E2F2: variants seen among roughly 807,000 people sequenced by gnomAD.
E2F2 encodes E2F transcription factor 2.
E2F2 carries 22 observed loss-of-function variants against 42.2 expected under a neutral mutation model. That is an observed-to-expected ratio of 0.52 (90% CI 0.37 to 0.74). E2F2 has a LOEUF of 0.74. Ranked by LOEUF, E2F2 falls within the 30% of genes least tolerant of loss-of-function variation. The pLI is 0.00. For missense variants in E2F2, 481 were observed against 557.8 expected (o/e 0.86, Z 1.39); for synonymous variants, 248 against 251.6 (o/e 0.99, Z 0.13).
intron 2 of E2F2, among the ~76,000 whole-genome samples, 200 bp from the exon 3 acceptor site, chr1:23,522,256 G>T (rs1453212395): frequency 2.0e-5 from 3 of 152,200 alleles, no homozygotes; most frequent in Admixed American, 6.5e-5. Context: ...CTTGCTTAAG[G>T]TCTCACGGCC....
At chr1:23,518,439 C>G (rs987056449) in intron 5 of E2F2, among the ~76,000 whole-genome samples, 1 of 151,870 alleles carries the variant, frequency 6.6e-6, no homozygotes, top group Non-Finnish European at 1.5e-5. Context: ...TCACTGCACT[C>G]CAGCCTGGGC....
chr1:23,515,510 C>T (rs1052250794), intron 6 of E2F2, among the ~76,000 whole-genome samples: 2 of 152,086 alleles, frequency 1.3e-5, no homozygotes, highest in Non-Finnish European at 2.9e-5. Context: ...AGGTAAGACA[C>T]ATCACCTCTA....
chr1:23,526,748 C>G (rs551229136), intron 1 of E2F2, among the ~76,000 whole-genome samples: 12 of 152,222 alleles, frequency 7.9e-5, no homozygotes, highest in African/African-American at 2.6e-4. Flanking sequence ...AAGCCATGTA[C>G]CAGGCTGCCT....
chr1:23,521,746 C>A, intron 3 of E2F2, 91 bp downstream of exon 3: 1 of 1,557,016 alleles, frequency 6.4e-7, no homozygotes, highest in South Asian at 1.2e-5. Flanking sequence ...CAGCCCCGCC[C>A]CTGCCACTCA....
chr1:23,526,957 A>G (rs1643261887), intron 1 of E2F2, among the ~76,000 whole-genome samples: 1 of 152,108 alleles, frequency 6.6e-6, no homozygotes, highest in Admixed American at 6.5e-5. Context: ...TGTCCCCCTA[A>G]GGATACCTCC....
Position 23,530,797 on chromosome 1 carries a change from G to A in E2F2, c.-4C>T, listed in dbSNP as rs1190542258. On this transcript the variant is annotated 5_prime_UTR_variant, in exon 1 of 7. Transcript: ENST00000361729. This position sits in a 1 kb window ranked among gnomAD's most constrained non-coding sequence, Gnocchi z 4.4. ...AGGCCCGGGGCCCTTGCAGCATAGC[G>A]AGTAAGGCGCCCCCTACCCAAAAGG... The A allele has an allele frequency of 4.0e-6, 6 of 1,511,044 alleles. No homozygotes were observed. The South Asian group carries it at 7.3e-5, about 18-fold the overall frequency. 93.6% of individuals were successfully genotyped at this position (1,511,044 alleles called of 1,614,324 possible). A position where few individuals can be genotyped will look rare whatever the true frequency, so the allele number is the denominator to read the frequency against.
Position 23,521,084 on chromosome 1 carries a change from C to A in E2F2, c.579-13G>T. The A allele has an allele frequency of 6.2e-7, 1 of 1,600,404 alleles. No individual in the cohort carries two copies. The highest frequency in any genetic ancestry group is 8.5e-7 in the Non-Finnish European group (1 of 1,174,034). ...CATTCCCCTGCCTCTGGGAACAGAG[C>A]AGCCCCCCAGTGTCAGTCTGTGGGT... On this transcript the variant is annotated splice_polypyrimidine_tract_variant and intron_variant, in intron 3 of 6. Transcript: ENST00000361729.
intron 5 of E2F2, among the ~76,000 whole-genome samples, chr1:23,518,006 C>T (rs991462757): frequency 6.6e-6 from 1 of 150,866 alleles, no homozygotes; most frequent in African/African-American, 2.4e-5. Context: ...CTCGTCTCTA[C>T]AAAAAAAACA....
At chr1:23,523,832 G>T (rs1643198103) in intron 2 of E2F2, among the ~76,000 whole-genome samples, 1 of 152,098 alleles carries the variant, frequency 6.6e-6, no homozygotes, top group East Asian at 1.9e-4. Flanking sequence ...CCACCACTTT[G>T]GGAGGCCGAG....
Position 23,506,646 on chromosome 1 carries a change from C to T in E2F2, c.*3234G>A, listed in dbSNP as rs1007268858. 3.3e-5 allele frequency: 5 copies of T among 152,244 alleles called. No homozygotes were observed. The highest frequency in any genetic ancestry group is 9.6e-5 in the African/African-American group (4 of 41,460). 9.4% of individuals were successfully genotyped at this position (152,244 alleles called of 1,614,324 possible). A position where few individuals can be genotyped will look rare whatever the true frequency, so the allele number is the denominator to read the frequency against. ...CCCAGGAGCCAGCAGGCTGGCCAGG[C>T]GTGTGGCCACCATGGTCACTGAGGA... On this transcript the variant is annotated 3_prime_UTR_variant, in exon 7 of 7. Transcript: ENST00000361729.
chr1:23,518,943 G>A, intron 5 of E2F2, 73 bp downstream of exon 5: 2 of 1,223,576 alleles, frequency 1.6e-6, no homozygotes, highest in Admixed American at 1.9e-5. Flanking sequence ...CAGGGACAGA[G>A]TCTGCAGAGC....
At chr1:23,521,506 G>A (rs1412881605) in intron 3 of E2F2, 1 of 981,158 alleles carries the variant, frequency 1.0e-6, no homozygotes, top group Non-Finnish European at 1.2e-6. Flanking sequence ...CCCTAAGCTA[G>A]AAGAAGTGGA....
chr1:23,521,437 ACTC>A (rs367599940), intron 3 of E2F2: 530 of 505,888 alleles, frequency 1.0e-3, no homozygotes, highest in African/African-American at 0.01. Context: ...AGGCTGGAGT[ACTC>A]CTATCTCAGA....
chr1:23,523,699 C>T (rs1051677335), intron 2 of E2F2, among the ~76,000 whole-genome samples: 7 of 152,270 alleles, frequency 4.6e-5, no homozygotes, highest in African/African-American at 1.7e-4. Flanking sequence ...AACATTAAAA[C>T]GTTTTAAAAA....
intron 6 of E2F2, 26 bp from the exon 7 acceptor site, chr1:23,510,174 G>C (rs769106531): frequency 2.6e-5 from 41 of 1,548,744 alleles, no homozygotes; most frequent in Non-Finnish European, 3.2e-5. Context: ...CAAAGGTTAC[G>C]CCTGGCCCTA....
At chr1:23,519,982 G>A (rs1263451829) in intron 4 of E2F2, among the ~76,000 whole-genome samples, 2 of 151,738 alleles carry the variant, frequency 1.3e-5, no homozygotes, top group Admixed American at 1.3e-4. Flanking sequence ...GAAGGCTGAG[G>A]CAGGAGAATC....
At chr1:23,505,349 C>T (rs1422846146), downstream of E2F2, among the ~76,000 whole-genome samples, 2 of 152,206 alleles carry the variant, frequency 1.3e-5, no homozygotes, top group African/African-American at 4.8e-5. Context: ...CTGGGGATCG[C>T]TTCTCAGCCT....
chr1:23,510,259 C>A, intron 6 of E2F2, 111 bp from the exon 7 acceptor site: 1 of 1,421,264 alleles, frequency 7.0e-7, no homozygotes, highest in Admixed American at 2.9e-5. Flanking sequence ...CTCTCCTTAG[C>A]CTGGGTGGAC....
chr1:23,510,817 T>A (rs1020869200), intron 6 of E2F2, among the ~76,000 whole-genome samples: 6 of 152,022 alleles, frequency 3.9e-5, no homozygotes, highest in Non-Finnish European at 8.8e-5. Context: ...AGGTACAGAG[T>A]TTCAGTTTTA....
Sources: gnomAD v4.1 joint callset for allele counts (sites outside exome capture counted in the v4.1 genomes callset) on GRCh38, gnomAD v4.1.1 for gene constraint, Gnocchi (gnomAD v3.1) non-coding constraint, MANE v1.5 for transcripts, NCBI Gene and HGNC (gene_info 2026-07-23, HGNC 2026-07-21) for gene names.